The following ABCA12 variants were observed in gnomAD, a reference collection of about 807,000 sequenced individuals.
ABCA12 encodes the protein glucosylceramide transporter ABCA12.
ABCA12 carries 156 observed loss-of-function variants against 293.5 expected under a neutral mutation model. The observed-to-expected ratio is 0.53, with a 90% CI of 0.47 to 0.61. ABCA12 has a LOEUF of 0.61. Ranked by LOEUF, ABCA12 falls within the 20% of genes least tolerant of loss-of-function variation. The probability of loss-of-function intolerance (pLI) is 0.00; values close to 1 mark genes in which losing one functional copy is unlikely to be tolerated. For synonymous variants in ABCA12, 1,063 were observed against 1,108.0 expected (o/e 0.96, Z 0.81); for missense variants, 2,797 against 3,090.2 (o/e 0.91, Z 2.25).
At chr2:215,121,963 T>C (rs894323332) in intron 1 of ABCA12, among the ~76,000 whole-genome samples, 1 of 152,208 alleles carries the variant, frequency 6.6e-6, no homozygotes, top group Non-Finnish European at 1.5e-5. Flanking sequence ...TATGTCTTTA[T>C]TAGCAGCATG....
intron 39 of ABCA12, among the ~76,000 whole-genome samples, chr2:214,966,019 A>T (rs1384947237): frequency 6.6e-6 from 1 of 152,234 alleles, no homozygotes; most frequent in African/African-American, 2.4e-5. Flanking sequence ...GATAAATAAA[A>T]TGTGGTACAC....
intron 3 of ABCA12, among the ~76,000 whole-genome samples, chr2:215,056,466 C>T (rs977234897): frequency 6.6e-5 from 10 of 152,052 alleles, no homozygotes; most frequent in Non-Finnish European, 1.2e-4. Context: ...TTTCTCTCAC[C>T]AGGAAGTGCC....
intron 49 of ABCA12, 36 bp downstream of exon 49, chr2:214,944,965 T>C (rs759646465): frequency 6.4e-7 from 1 of 1,563,724 alleles, no homozygotes; most frequent in East Asian, 2.2e-5. Context: ...ATCCTAAGAC[T>C]GTGTGGATTC....
chr2:215,067,165 G>C (rs1041805669), intron 2 of ABCA12, among the ~76,000 whole-genome samples: 1 of 152,058 alleles, frequency 6.6e-6, no homozygotes, highest in Non-Finnish European at 1.5e-5. Context: ...TTAAAGAGCT[G>C]CTAATTTTGA....
intron 18 of ABCA12, among the ~76,000 whole-genome samples, chr2:215,009,167 C>G (rs1700318115): frequency 1.3e-5 from 2 of 152,068 alleles, no homozygotes; most frequent in East Asian, 3.8e-4. Flanking sequence ...AGAGCATGCC[C>G]TTTGCAGAGA....
At chr2:215,105,623 G>A (rs573312369) in intron 2 of ABCA12, among the ~76,000 whole-genome samples, 8 of 146,806 alleles carry the variant, frequency 5.4e-5, no homozygotes, top group South Asian at 4.4e-4. Context: ...ACACACACAC[G>A]CACTTTCACA....
At chr2:215,007,447 T>G (rs1053854464) in intron 19 of ABCA12, among the ~76,000 whole-genome samples, 3 of 152,296 alleles carry the variant, frequency 2.0e-5, no homozygotes, top group Middle Eastern at 3.4e-3. Context: ...TTTAAACTTT[T>G]GAAAAACTGA....
rs762663171 is a variant in ABCA12, at chr2:214,978,867, G to A, written c.4914C>T (p.Leu1638=). 2.9e-5 allele frequency: 47 copies of A among 1,613,896 alleles called. No individual in the cohort carries two copies. The highest frequency in any genetic ancestry group is 2.2e-4 in the East Asian group (10 of 44,870). Residue 1638 remains leucine (L), a synonymous_variant, in exon 32 of 53, where the codon CTC becomes CTT. Transcript: ENST00000272895. ...SGAYLSLLRA[L]DNGMGDLNIG... ...TGTTGAGGTCACCCATGCCATTGTC[G>A]AGTGCCCGTAGGAGTGACAGGTAGG...
chr2:214,977,902 T>C (rs1165685943), intron 33 of ABCA12, among the ~76,000 whole-genome samples: 1 of 151,554 alleles, frequency 6.6e-6, no homozygotes, highest in East Asian at 1.9e-4. Context: ...TTTCCTTTTT[T>C]TTATGACTAT....
rs11323161 is a variant in ABCA12, at chr2:214,981,761, G to GTTT, written c.4579+423_4579+425dup. On this transcript the variant is annotated intron_variant, in intron 30 of 52. Transcript: ENST00000272895. ...CATAAACAGAAAAGTCGTCAAGCTG[G>GTTT]TTTTTTTTTTTTTTTTTTTTTTGAG... 3.7e-3 allele frequency among the ~76,000 whole-genome samples: 284 copies of GTTT among 77,010 alleles called. 9 individuals carry two copies. The highest frequency in any genetic ancestry group is 9.9e-3 in the African/African-American group (227 of 23,030). 50.5% of individuals were successfully genotyped at this position (77,010 alleles called of 152,430 possible).
At chr2:215,115,719 T>C (rs915907727) in intron 1 of ABCA12, among the ~76,000 whole-genome samples, 2 of 152,256 alleles carry the variant, frequency 1.3e-5, no homozygotes, top group African/African-American at 4.8e-5. Flanking sequence ...TGTACCATTC[T>C]GTTCTCTTTT....
At chr2:215,006,849 A>G (rs1700263502) in intron 19 of ABCA12, among the ~76,000 whole-genome samples, 1 of 142,060 alleles carries the variant, frequency 7.0e-6, no homozygotes, top group Non-Finnish European at 1.5e-5. Flanking sequence ...TATTTGCATC[A>G]TCTTCAGAAA....
At chr2:215,029,987 G>T (rs1700837639) in intron 9 of ABCA12, among the ~76,000 whole-genome samples, 1 of 152,116 alleles carries the variant, frequency 6.6e-6, no homozygotes, top group African/African-American at 2.4e-5. Context: ...TACCAGTATT[G>T]CCACTCTGTG....
At chr2:215,134,508 A>C (rs1703150990) in intron 1 of ABCA12, among the ~76,000 whole-genome samples, 1 of 111,830 alleles carries the variant, frequency 8.9e-6, no homozygotes, top group African/African-American at 4.5e-5. Context: ...ATATATGCGT[A>C]TGTATATGTG....
At chr2:214,982,968 C>T (rs372345720) in intron 29 of ABCA12, among the ~76,000 whole-genome samples, 1 of 152,114 alleles carries the variant, frequency 6.6e-6, no homozygotes, top group Non-Finnish European at 1.5e-5. Flanking sequence ...GACATTTTGG[C>T]ACAGACCAGG....
chr2:215,009,986 T>C (rs1700336015), intron 18 of ABCA12, among the ~76,000 whole-genome samples: 1 of 152,196 alleles, frequency 6.6e-6, no homozygotes, highest in African/African-American at 2.4e-5. Flanking sequence ...ATATTACTTT[T>C]TCTAGTACAA....
chr2:215,122,426 C>A (rs1702826622), intron 1 of ABCA12, among the ~76,000 whole-genome samples: 1 of 152,160 alleles, frequency 6.6e-6, no homozygotes, highest in Admixed American at 6.6e-5. Context: ...AGGGCTTAAT[C>A]CTAAATTGTT....
At chr2:215,123,229 A>T (rs769132796) in intron 1 of ABCA12, among the ~76,000 whole-genome samples, 2 of 151,866 alleles carry the variant, frequency 1.3e-5, no homozygotes, top group Admixed American at 6.6e-5. Context: ...GCTGGAGTGC[A>T]GTGGCGCAAT....
chr2:215,065,013 T>C (rs184674144), intron 2 of ABCA12, among the ~76,000 whole-genome samples: 1 of 152,026 alleles, frequency 6.6e-6, no homozygotes, highest in Admixed American at 6.6e-5. Context: ...ATGGTATGAA[T>C]GAAAATGCAA....
Sources: gnomAD v4.1 joint callset for allele counts (sites outside exome capture counted in the v4.1 genomes callset) on GRCh38, gnomAD v4.1.1 for gene constraint, MANE v1.5 for transcripts, NCBI Gene and HGNC (gene_info 2026-07-23, HGNC 2026-07-21) for gene names.